Variants in STOX1 observed in about 807,000 individuals in gnomAD.
STOX1 encodes storkhead box 1, also known as storkhead-box protein 1.
STOX1 carries 57 observed loss-of-function variants against 74.8 expected under a neutral mutation model. That is an observed-to-expected ratio of 0.76 (90% CI 0.62 to 0.95). The LOEUF is 0.95. Ranked by LOEUF, STOX1 falls within the 40% of genes least tolerant of loss-of-function variation. The pLI is 0.00. For synonymous variants in STOX1, 375 were observed against 401.3 expected, an observed-to-expected ratio of 0.93 and a Z score of 0.78; for missense variants, 1,010 against 1,117.0, an observed-to-expected ratio of 0.90 and a Z score of 1.37.
rs75691269 is a variant in STOX1, at chr10:68,829,727, C to T, written c.310+1794C>T. Among the ~76,000 whole-genome samples, 708 of 152,094 alleles carry T rather than the reference C, an allele frequency of 4.7e-3. 2 individuals carry two copies. The highest frequency in any genetic ancestry group is 7.3e-3 in the Non-Finnish European group (496 of 68,006). Reference sequence around the variant, plus strand: ...TTCCCTCTCCTCCCCACCCCGCCCCCGTTTTTCTTAAGCTCAAAAAAGAGC... The same window carrying T: ...TTCCCTCTCCTCCCCACCCCGCCCCTGTTTTTCTTAAGCTCAAAAAAGAGC... On this transcript the variant is annotated intron_variant, in intron 1 of 3. Coordinates refer to ENST00000298596, the MANE Select transcript of STOX1 (RefSeq NM_152709.5).
chr10:68,856,821 T>C (rs1237902454), intron 1 of STOX1, among the ~76,000 whole-genome samples: 2 of 152,012 alleles, frequency 1.3e-5, no homozygotes, highest in Non-Finnish European at 1.5e-5. Context: ...AATTTCCAGG[T>C]CCCTTCCCCT....
At chr10:68,862,470 A>G (rs559579085) in intron 1 of STOX1, among the ~76,000 whole-genome samples, 1 of 152,240 alleles carries the variant, frequency 6.6e-6, no homozygotes, top group South Asian at 2.1e-4. Flanking sequence ...TCCAAATTGT[A>G]TTGTTTTCAA....
intron 1 of STOX1, among the ~76,000 whole-genome samples, chr10:68,844,831 C>G (rs777114353): frequency 6.6e-6 from 1 of 151,058 alleles, no homozygotes; most frequent in African/African-American, 2.4e-5. Flanking sequence ...GGTGCGATCT[C>G]ACCTCATTGT....
intron 1 of STOX1, among the ~76,000 whole-genome samples, chr10:68,835,026 G>C (rs1839509096): frequency 6.8e-6 from 1 of 148,024 alleles, no homozygotes; most frequent in East Asian, 2.1e-4. Flanking sequence ...GCACGGCCAG[G>C]CTTTATTATT....
At chr10:68,862,518 C>A (rs1054215493) in intron 1 of STOX1, among the ~76,000 whole-genome samples, 1 of 152,056 alleles carries the variant, frequency 6.6e-6, no homozygotes, top group Admixed American at 6.6e-5. Flanking sequence ...ATTGTGATGG[C>A]ATAGTATATT....
chr10:68,873,558 G>A (rs1840593803), intron 1 of STOX1, among the ~76,000 whole-genome samples: 1 of 73,632 alleles, frequency 1.4e-5, no homozygotes, highest in Non-Finnish European at 2.6e-5. Flanking sequence ...ACCGCGCCTG[G>A]CCTTTTTTTT....
At chr10:68,842,532 A>ATTTCT (rs1407863770) in intron 1 of STOX1, among the ~76,000 whole-genome samples, 2 of 118,572 alleles carry the variant, frequency 1.7e-5, no homozygotes, top group African/African-American at 6.2e-5. Flanking sequence ...GCTCTGTACC[A>ATTTCT]TTTCTTTTTT....
At chr10:68,882,601 C>T (rs1397669618) in intron 2 of STOX1, among the ~76,000 whole-genome samples, 3 of 151,598 alleles carry the variant, frequency 2.0e-5, no homozygotes, top group Non-Finnish European at 1.5e-5. Flanking sequence ...CGGGTTCAAG[C>T]GATTCTTCTG....
At chr10:68,854,272 G>A (rs1463122043) in intron 1 of STOX1, among the ~76,000 whole-genome samples, 1 of 151,814 alleles carries the variant, frequency 6.6e-6, no homozygotes, top group Non-Finnish European at 1.5e-5. Flanking sequence ...TGGGATTACA[G>A]GTGTGAGCCA....
rs1252883920 is a variant in STOX1, at chr10:68,885,318, T to C, written c.1522T>C (p.Ser508Pro). 6.2e-7 allele frequency: 1 copy of C among 1,613,956 alleles called. No individual in the cohort carries two copies. The highest frequency in any genetic ancestry group is 1.7e-5 in the Admixed American group (1 of 59,990). Residue 508 changes from serine to proline, a missense_variant, in exon 3 of 4, where the codon TCC (serine) becomes CCC (proline). By Grantham distance (74) the Ser-to-Pro change is moderately conservative (BLOSUM62 -1). Coordinates refer to ENST00000298596, the MANE Select transcript of STOX1 (RefSeq NM_152709.5). ...QGLSHRGSTI[S>P]KGHKIQKTSD... is the part of the protein sequence containing the mutation. ...TTTGTCTCACCGAGGAAGCACAATA[T>C]CCAAAGGGCACAAAATTCAGAAGAC...
At chr10:68,861,842 C>T (rs1009382448) in intron 1 of STOX1, among the ~76,000 whole-genome samples, 2 of 152,094 alleles carry the variant, frequency 1.3e-5, no homozygotes, top group African/African-American at 2.4e-5. Context: ...TTTGCAATAT[C>T]CAAAGACAAA....
At chr10:68,855,015 T>A (rs1191965913) in intron 1 of STOX1, among the ~76,000 whole-genome samples, 1 of 152,006 alleles carries the variant, frequency 6.6e-6, no homozygotes, top group Non-Finnish European at 1.5e-5. Context: ...CTACTTGGGA[T>A]GCTGAGGTGA....
At chr10:68,870,206 C>T (rs961436747) in intron 1 of STOX1, among the ~76,000 whole-genome samples, 6 of 151,702 alleles carry the variant, frequency 4.0e-5, no homozygotes, top group African/African-American at 1.5e-4. Flanking sequence ...GCTTTTTACC[C>T]CCGTTTTGTA....
intron 3 of STOX1, among the ~76,000 whole-genome samples, chr10:68,891,790 A>C (rs1190255226): frequency 1.3e-5 from 2 of 150,474 alleles, no homozygotes; most frequent in Non-Finnish European, 3.0e-5. Flanking sequence ...CAACAGAGTG[A>C]GACTCTGTTT....
intron 1 of STOX1, among the ~76,000 whole-genome samples, chr10:68,841,349 A>G (rs950909675): frequency 5.3e-5 from 8 of 152,210 alleles, no homozygotes; most frequent in African/African-American, 1.9e-4. Context: ...ATGAAAGGGT[A>G]TGCAGGAAAA....
chr10:68,870,250 C>A (rs564550730), intron 1 of STOX1, among the ~76,000 whole-genome samples: 87 of 152,228 alleles, frequency 5.7e-4, no homozygotes, highest in Middle Eastern at 3.4e-3. Context: ...CATGACTAGA[C>A]CTGTTAGTCA....
chr10:68,853,063 C>T (rs573464090), intron 1 of STOX1, among the ~76,000 whole-genome samples: 1 of 152,102 alleles, frequency 6.6e-6, no homozygotes, highest in African/African-American at 2.4e-5. Flanking sequence ...GCTGGGATTA[C>T]AGGCATGCGC....
chr10:68,877,374 A>G (rs1004051919), intron 1 of STOX1, among the ~76,000 whole-genome samples: 2 of 152,214 alleles, frequency 1.3e-5, no homozygotes, highest in African/African-American at 4.8e-5. Flanking sequence ...TGAAAAATGT[A>G]AGAAAAAAGT....
At chr10:68,868,853 G>C (rs989152501) in intron 1 of STOX1, among the ~76,000 whole-genome samples, 41 of 152,304 alleles carry the variant, frequency 2.7e-4, no homozygotes, top group African/African-American at 8.7e-4. Context: ...GAACTGACAC[G>C]TGTCAAATCT....
Sources: allele counts gnomAD v4.1 joint callset (sites outside exome capture counted in the v4.1 genomes callset), GRCh38; gene constraint gnomAD v4.1.1; transcripts MANE v1.5; gene names NCBI Gene and HGNC (gene_info 2026-07-23, HGNC 2026-07-21).